The following GORASP2 variants were observed in gnomAD, a reference collection of about 807,000 sequenced individuals.
GORASP2 encodes Golgi reassembly-stacking protein 2.
GORASP2 carries 22 observed loss-of-function variants against 45.7 expected under a neutral mutation model. The ratio of observed to expected loss-of-function variants is 0.48; its 90% CI spans 0.34 to 0.69. The LOEUF is 0.69. Among genes scored for constraint, GORASP2 ranks in the 30% least tolerant of loss-of-function variants. The pLI is 0.01. For synonymous variants in GORASP2, 221 were observed against 215.6 expected, an observed-to-expected ratio of 1.02 and a Z score of -0.22; for missense variants, 491 against 562.7, an observed-to-expected ratio of 0.87 and a Z score of 1.29.
At position 170,929,267 on chromosome 2, in the gene GORASP2, G is replaced by A. The variant is rs1415190432; in HGVS notation, c.-74G>A. On this transcript the variant is annotated 5_prime_UTR_variant, in exon 1 of 10. Coordinates refer to ENST00000234160, the MANE Select transcript of GORASP2 (RefSeq NM_015530.5). Reference sequence around the variant, plus strand: ...TGCCACGTCCCAAGTGCTACGCGGAGGATTAGAGCAGGCGGTGCGCTGGGG... The same window carrying A: ...TGCCACGTCCCAAGTGCTACGCGGAAGATTAGAGCAGGCGGTGCGCTGGGG... 5.0e-6 allele frequency: 6 copies of A among 1,189,516 alleles called. No individual in the cohort carries two copies. The highest frequency in any genetic ancestry group is 5.4e-6 in the Non-Finnish European group (5 of 918,700). The allele number at this position is 1,189,516 out of a possible 1,614,324, so 73.7% of individuals were successfully genotyped here.
At chr2:170,957,413 A>AT (rs1704452598) in intron 7 of GORASP2, among the ~76,000 whole-genome samples, 1 of 152,094 alleles carries the variant, frequency 6.6e-6, no homozygotes, top group South Asian at 2.1e-4. Flanking sequence ...AGTGGCAGGG[A>AT]TTACAGGCAC....
chr2:170,930,419 C>T (rs1011106106), intron 1 of GORASP2, among the ~76,000 whole-genome samples: 15 of 152,302 alleles, frequency 9.8e-5, no homozygotes, highest in African/African-American at 2.6e-4. Context: ...AATATTAGCT[C>T]CTCACAGGCA....
chr2:170,961,012 C>T (rs1221666878), intron 7 of GORASP2, among the ~76,000 whole-genome samples: 2 of 152,138 alleles, frequency 1.3e-5, no homozygotes, highest in African/African-American at 2.4e-5. Flanking sequence ...AGGTGGTAAA[C>T]GTGATTAGGT....
At chr2:170,958,291 A>C (rs1043773001) in intron 7 of GORASP2, among the ~76,000 whole-genome samples, 41 of 152,274 alleles carry the variant, frequency 2.7e-4, no homozygotes, top group Middle Eastern at 3.4e-3. Context: ...TTTATCGATA[A>C]ATAATTTGCC....
chr2:170,963,374 CAAA>C (rs766498214), intron 9 of GORASP2, among the ~76,000 whole-genome samples: 5 of 76,590 alleles, frequency 6.5e-5, no homozygotes, highest in African/African-American at 5.4e-5. Flanking sequence ...GACTTCATCT[CAAA>C]AAAAAAAAAA....
rs59374648 is a variant in GORASP2, at chr2:170,958,674, T to A, written c.823+2115T>A. Among the ~76,000 whole-genome samples the A allele has an allele frequency of 2.7e-3, 270 of 99,212 alleles. 4 individuals carry two copies. The highest frequency in any genetic ancestry group is 9.5e-3 in the African/African-American group (238 of 25,178). The allele number at this position is 99,212 out of a possible 152,430, so 65.1% of individuals were successfully genotyped here. ...TGCTCTTTTTTTTTTTTTTTTTTTT[T>A]AAAAAAAAAAAAAACAGACTCTGTT... is the stretch of plus-strand genomic sequence containing the variant. On this transcript the variant is annotated intron_variant, in intron 7 of 9. Coordinates refer to ENST00000234160, the MANE Select transcript of GORASP2 (RefSeq NM_015530.5).
intron 4 of GORASP2, among the ~76,000 whole-genome samples, 189 bp from the exon 5 acceptor site, chr2:170,951,139 A>G (rs1453533012): frequency 6.6e-6 from 1 of 152,196 alleles, no homozygotes; most frequent in Non-Finnish European, 1.5e-5. Context: ...AAAGCCTTGT[A>G]TGTAGTAAGT....
chr2:170,958,666 TTTTTTTTTAAA>T (rs1225875686), intron 7 of GORASP2, among the ~76,000 whole-genome samples: 1 of 73,946 alleles, frequency 1.4e-5, no homozygotes, highest in Non-Finnish European at 3.3e-5. Context: ...TTTTTTTTTT[TTTTTTTTTAAA>T]AAAAAAAAAA....
chr2:170,966,483 A>T lies in GORASP2; in HGVS notation c.*353A>T, dbSNP rs890977422. 3.1e-5 allele frequency: 11 copies of T among 350,138 alleles called. No homozygotes were observed. The highest frequency in any genetic ancestry group is 5.3e-5 in the Non-Finnish European group (10 of 188,812). The allele number at this position is 350,138 out of a possible 1,614,324, so 21.7% of individuals were successfully genotyped here. A position where few individuals can be genotyped will look rare whatever the true frequency, so the allele number is the denominator to read the frequency against. On this transcript the variant is annotated 3_prime_UTR_variant, in exon 10 of 10. Transcript: ENST00000234160. ...CCCCTGCTGCTCCTTCCGTAAGAAAATGAAATATTCTATGCCTAATACTCA... is the reference window on the plus strand; with the variant it reads ...CCCCTGCTGCTCCTTCCGTAAGAAATTGAAATATTCTATGCCTAATACTCA...
intron 8 of GORASP2, 71 bp downstream of exon 8, chr2:170,961,820 G>A: frequency 1.2e-6 from 1 of 844,582 alleles, no homozygotes; most frequent in Non-Finnish European, 2.1e-6. Flanking sequence ...TAAAAACAAT[G>A]AAAAATATTA....
intron 1 of GORASP2, among the ~76,000 whole-genome samples, chr2:170,943,856 TG>T (rs1314533414): frequency 6.6e-6 from 1 of 152,068 alleles, no homozygotes; most frequent in African/African-American, 2.4e-5. Context: ...AAAAAATTTT[TG>T]TAGAGATGGA....
In GORASP2 at chr2:170,946,059, C is replaced by T. The variant is rs535185865; in HGVS notation, c.64-2291C>T. ...CAGGGTCTCGCCCTGTCCCCTATACCGGAGTGCAGTGGTGCGACCTGGACT... is the reference window on the plus strand; with the variant it reads ...CAGGGTCTCGCCCTGTCCCCTATACTGGAGTGCAGTGGTGCGACCTGGACT... On this transcript the variant is annotated intron_variant, in intron 1 of 9. Transcript: ENST00000234160. 1.1e-4 allele frequency among the ~76,000 whole-genome samples: 16 copies of T among 152,040 alleles called. 1 individual carries two copies. In the East Asian group the frequency reaches 1.4e-3, roughly 13 times the overall value.
chr2:170,929,525 G>T, intron 1 of GORASP2, 122 bp downstream of exon 1: 1 of 839,020 alleles, frequency 1.2e-6, no homozygotes. Flanking sequence ...AGGAGCGGCG[G>T]TCGCGGGCGC....
At chr2:170,953,930 G>A (rs1226805715) in intron 5 of GORASP2, 1 of 152,174 alleles carries the variant, frequency 6.6e-6, no homozygotes, top group African/African-American at 2.4e-5. Flanking sequence ...GTTTGGGCAG[G>A]GCAGACACTC....
intron 1 of GORASP2, among the ~76,000 whole-genome samples, chr2:170,945,501 C>CAAAA (rs11396289): frequency 5.6e-5 from 7 of 125,086 alleles, no homozygotes; most frequent in South Asian, 2.8e-4. Flanking sequence ...GACCTTGTCT[C>CAAAA]AAAAAAAAAA....
At chr2:170,959,860 C>T (rs6731774) in intron 7 of GORASP2, among the ~76,000 whole-genome samples, 73,904 of 139,360 alleles carry the variant, frequency 0.53, 21,649 homozygotes, top group South Asian at 0.66. Context: ...CTTGCTCTGT[C>T]GCTCAGGCTG....
intron 1 of GORASP2, chr2:170,930,019 C>G (rs528968089): frequency 4.0e-5 from 12 of 300,150 alleles, no homozygotes; most frequent in South Asian, 3.0e-4. Context: ...CCTCCCAAAC[C>G]TTCTCAAGAT....
At chr2:170,949,467 T>C (rs541989883) in intron 2 of GORASP2, 72 bp from the exon 3 acceptor site, 15 of 973,618 alleles carry the variant, frequency 1.5e-5, no homozygotes, top group African/African-American at 1.3e-4. Flanking sequence ...ATTACTCTTA[T>C]AGGGCCATAG....
At chr2:170,958,439 A>G (rs894348081) in intron 7 of GORASP2, among the ~76,000 whole-genome samples, 2 of 152,138 alleles carry the variant, frequency 1.3e-5, no homozygotes, top group African/African-American at 4.8e-5. Flanking sequence ...GTCTCTAATC[A>G]TAGAGTTGGA....
Sources: allele counts gnomAD v4.1 joint callset (sites outside exome capture counted in the v4.1 genomes callset), GRCh38; gene constraint gnomAD v4.1.1; transcripts MANE v1.5; gene names NCBI Gene and HGNC (gene_info 2026-07-23, HGNC 2026-07-21).